Variants in WDR70 observed in about 807,000 individuals in gnomAD.
WDR70 encodes WD repeat domain 70.
Under a neutral mutation model 88.6 loss-of-function variants are expected in WDR70, and 53 were observed. The ratio of observed to expected loss-of-function variants is 0.60; its 90% confidence interval spans 0.48 to 0.75. The LOEUF is 0.75. Ranked by LOEUF, WDR70 falls within the 30% of genes least tolerant of loss-of-function variation. The pLI is 0.00. For synonymous variants in WDR70, 280 were observed against 270.0 expected (o/e 1.04, Z -0.36); for missense variants, 610 against 823.2 (o/e 0.74, Z 3.17).
chr5:37,420,877 A>G (rs1255831809), intron 5 of WDR70, among the ~76,000 whole-genome samples: 1 of 152,142 alleles, frequency 6.6e-6, no homozygotes, highest in Non-Finnish European at 1.5e-5. Context: ...TCACGCCACC[A>G]CTTCAGCCTG....
chr5:37,727,552 C>G (rs1000812880), intron 17 of WDR70, among the ~76,000 whole-genome samples: 1 of 152,014 alleles, frequency 6.6e-6, no homozygotes, highest in Non-Finnish European at 1.5e-5. Flanking sequence ...AAGATAGGTA[C>G]TATTATAGAA....
intron 2 of WDR70, 128 bp from the exon 3 acceptor site, chr5:37,381,474 T>C: frequency 4.2e-6 from 3 of 717,190 alleles, no homozygotes; most frequent in South Asian, 2.9e-5. Context: ...TTCTGTGATA[T>C]ATTATGGTTA....
In WDR70 at chr5:37,512,227, AT is replaced by A. The variant is rs1216246099; in HGVS notation, c.841-4277del. On this transcript the variant is annotated intron_variant, in intron 8 of 17. Transcript: ENST00000265107. The stretch of plus-strand genomic sequence containing the variant: ...TCTTCTCTTTTCTTCTTTAAAAAAA[AT>A]TTTTTTTTTCTTGAAACAGGGTCTC... Among the ~76,000 whole-genome samples, 3 of 150,096 alleles carry A rather than the reference AT, an allele frequency of 2.0e-5. No individual in the cohort carries two copies. In the South Asian group the frequency reaches 6.4e-4, roughly 32 times the overall value.
chr5:37,417,440 G>T lies in WDR70; in HGVS notation c.493-20482G>T, dbSNP rs140183657. On this transcript the variant is annotated intron_variant, in intron 5 of 17. Transcript: ENST00000265107. Reference sequence around the variant, plus strand: ...GAGTTTCCTCATATTGCCCAGGCTGGTCTCGAACTCCTGGGCTCAGGTGAT... The same window carrying T: ...GAGTTTCCTCATATTGCCCAGGCTGTTCTCGAACTCCTGGGCTCAGGTGAT... 6.4e-3 allele frequency among the ~76,000 whole-genome samples: 969 copies of T among 152,010 alleles called. 6 individuals are homozygous for T. The highest frequency in any genetic ancestry group is 0.012 in the South Asian group (60 of 4,810).
chr5:37,729,609 CT>C (rs1748085573), intron 17 of WDR70, among the ~76,000 whole-genome samples: 1 of 152,214 alleles, frequency 6.6e-6, no homozygotes. Flanking sequence ...CTTTTCCTAT[CT>C]GCATGGCATA....
At chr5:37,512,664 C>T (rs1441241711) in intron 8 of WDR70, among the ~76,000 whole-genome samples, 1 of 151,820 alleles carries the variant, frequency 6.6e-6, no homozygotes, top group Admixed American at 6.6e-5. Flanking sequence ...TCACTGCAGC[C>T]TCGACCTCTT....
intron 10 of WDR70, among the ~76,000 whole-genome samples, chr5:37,662,180 G>C (rs912738672): frequency 2.6e-5 from 4 of 152,148 alleles, no homozygotes; most frequent in African/African-American, 9.7e-5. Context: ...TAGGAACAAA[G>C]TGCACTTATG....
chr5:37,531,876 G>A (rs1421484686), intron 9 of WDR70, among the ~76,000 whole-genome samples: 1 of 151,824 alleles, frequency 6.6e-6, no homozygotes, highest in Non-Finnish European at 1.5e-5. Flanking sequence ...GCTTTAAGGA[G>A]GCTCTATTTT....
At chr5:37,527,316 A>C (rs533337322) in intron 9 of WDR70, among the ~76,000 whole-genome samples, 2 of 152,210 alleles carry the variant, frequency 1.3e-5, no homozygotes, top group Non-Finnish European at 2.9e-5. Flanking sequence ...CAGAGCCCTC[A>C]GAAAGAATAC....
At chr5:37,427,692 G>C (rs934791973) in intron 5 of WDR70, among the ~76,000 whole-genome samples, 1 of 151,780 alleles carries the variant, frequency 6.6e-6, no homozygotes, top group East Asian at 1.9e-4. Context: ...TTCGAGACCA[G>C]CCTGGCCAAC....
At chr5:37,568,631 T>G (rs1369545239) in intron 9 of WDR70, among the ~76,000 whole-genome samples, 2 of 152,230 alleles carry the variant, frequency 1.3e-5, no homozygotes, top group African/African-American at 4.8e-5. Context: ...TTACTGAACT[T>G]TCTGCTGTAT....
At chr5:37,678,657 C>T (rs1746313955) in intron 10 of WDR70, among the ~76,000 whole-genome samples, 1 of 152,172 alleles carries the variant, frequency 6.6e-6, no homozygotes, top group Non-Finnish European at 1.5e-5. Context: ...CTCTGGCTGC[C>T]CTTAACATTT....
chr5:37,562,860 C>T (rs1324607591), intron 9 of WDR70, among the ~76,000 whole-genome samples: 1 of 151,958 alleles, frequency 6.6e-6, no homozygotes, highest in African/African-American at 2.4e-5. Flanking sequence ...TCTACACAGA[C>T]ATGGCAACCA....
chr5:37,514,167 C>T (rs1345215566), intron 8 of WDR70, among the ~76,000 whole-genome samples: 2 of 150,498 alleles, frequency 1.3e-5, no homozygotes, highest in East Asian at 2.0e-4. Flanking sequence ...GATGTCTATC[C>T]CATACTCAGC....
chr5:37,605,187 A>G lies in WDR70; in HGVS notation c.1041A>G (p.Ile347Met), dbSNP rs758438802. 1 of 1,612,876 alleles carries G rather than the reference A, an allele frequency of 6.2e-7. No individual in the cohort carries two copies. The highest frequency in any genetic ancestry group is 2.2e-5 in the East Asian group (1 of 44,854). Reference sequence around the variant, plus strand: ...CATATAGTAGAGATGGAAACCTCATAGCAGCTGCCTGCCAGAATGGAAGCA... The same window carrying G: ...CATATAGTAGAGATGGAAACCTCATGGCAGCTGCCTGCCAGAATGGAAGCA... ...TCTYSRDGNL[I>M]AAACQNGSIQ... Residue 347 changes from isoleucine (I) to methionine (M), a missense_variant, in exon 10 of 18, where the codon ATA becomes ATG. Ile to Met is a conservative substitution (Grantham distance 10). Transcript: ENST00000265107.
intron 10 of WDR70, among the ~76,000 whole-genome samples, chr5:37,607,772 G>T (rs1373266627): frequency 6.6e-6 from 1 of 152,152 alleles, no homozygotes; most frequent in African/African-American, 2.4e-5. Context: ...AGGAGTGGTT[G>T]TTTGCCCAAG....
chr5:37,713,151 ATGACCACCTAT>A (rs1285352919), intron 13 of WDR70, among the ~76,000 whole-genome samples: 7 of 152,200 alleles, frequency 4.6e-5, no homozygotes, highest in Non-Finnish European at 1.0e-4. Flanking sequence ...GTCTTTTCCT[ATGACCACCTAT>A]TTAACAGTGA....
intron 5 of WDR70, among the ~76,000 whole-genome samples, chr5:37,419,522 A>AT (rs1749876060): frequency 6.6e-6 from 1 of 151,044 alleles, no homozygotes; most frequent in South Asian, 2.1e-4. Context: ...TTTTTTAAAA[A>AT]CTGAATTTAG....
At chr5:37,599,446 A>G (rs543886675) in intron 9 of WDR70, among the ~76,000 whole-genome samples, 1 of 152,366 alleles carries the variant, frequency 6.6e-6, no homozygotes, top group South Asian at 2.1e-4. Flanking sequence ...TATGATATCT[A>G]GACTTAGGAA....
Sources: gnomAD v4.1 joint callset for allele counts (sites outside exome capture counted in the v4.1 genomes callset) on GRCh38, gnomAD v4.1.1 for gene constraint, MANE v1.5 for transcripts, NCBI Gene and HGNC (gene_info 2026-07-23, HGNC 2026-07-21) for gene names.